The following DGKB variants were observed in gnomAD, a reference collection of about 807,000 sequenced individuals.
DGKB encodes 90 kDa diacylglycerol kinase.
Under a neutral mutation model 114.3 loss-of-function variants are expected in DGKB, and 67 were observed. That is an observed-to-expected ratio of 0.59 (90% confidence interval 0.48 to 0.72). The LOEUF (loss-of-function observed/expected upper bound fraction) is 0.72. Among genes scored for constraint, DGKB ranks in the 30% least tolerant of loss-of-function variants. DGKB has a pLI of 0.00. For missense variants in DGKB, 907 were observed against 975.2 expected (o/e 0.93, Z 0.93); for synonymous variants, 398 against 323.1 (o/e 1.23, Z -2.49).
chr7:14,648,001 C>A (rs183807744), intron 13 of DGKB, among the ~76,000 whole-genome samples: 4,738 of 152,228 alleles, frequency 0.031, 259 homozygotes, highest in African/African-American at 0.11. Context: ...CCTACGCCCA[C>A]GGAGTCTCGC....
Position 14,540,541 on chromosome 7 carries a change from G to A in DGKB, c.1770+33671C>T, listed in dbSNP as rs139809106. Among the ~76,000 whole-genome samples, 448 of 152,154 alleles carry A rather than the reference G, an allele frequency of 2.9e-3. 2 individuals are homozygous for A. The highest frequency in any genetic ancestry group is 0.01 in the African/African-American group (426 of 41,506). On this transcript the variant is annotated intron_variant, in intron 20 of 25. Transcript: ENST00000402815. ...TTCATAATTCCTATCATACTTTTCT[G>A]TTTTGACTGCTTGTGCAAAGTCATC...
At chr7:14,579,775 T>C (rs1331686804) in intron 19 of DGKB, among the ~76,000 whole-genome samples, 2 of 151,994 alleles carry the variant, frequency 1.3e-5, no homozygotes, top group African/African-American at 4.8e-5. Flanking sequence ...CAGAGTTACT[T>C]AGGGAGTTTG....
chr7:14,639,990 C>T (rs2128871539), intron 13 of DGKB, among the ~76,000 whole-genome samples: 1 of 152,258 alleles, frequency 6.6e-6, no homozygotes, highest in Non-Finnish European at 1.5e-5. Context: ...CCTGCACAAA[C>T]ATACTTATGG....
chr7:14,310,288 G>A (rs922987807), intron 23 of DGKB, among the ~76,000 whole-genome samples: 1 of 152,146 alleles, frequency 6.6e-6, no homozygotes, highest in Non-Finnish European at 1.5e-5. Context: ...CCAGCTGGTA[G>A]GAGATCACAT....
At chr7:14,450,500 G>A (rs1418955745) in intron 21 of DGKB, among the ~76,000 whole-genome samples, 2 of 152,130 alleles carry the variant, frequency 1.3e-5, no homozygotes, top group Admixed American at 6.6e-5. Context: ...GTGGCTGAGT[G>A]GAGGAGGTGG....
chr7:14,872,628 G>T (rs1406357928), intron 1 of DGKB, among the ~76,000 whole-genome samples: 1 of 151,998 alleles, frequency 6.6e-6, no homozygotes, highest in Non-Finnish European at 1.5e-5. Flanking sequence ...ACTGTTTAAA[G>T]AAACTAAGTT....
intron 9 of DGKB, among the ~76,000 whole-genome samples, chr7:14,688,793 T>C (rs1822175498): frequency 6.6e-6 from 1 of 151,722 alleles, no homozygotes; most frequent in Admixed American, 6.6e-5. Flanking sequence ...ATTATCCTAG[T>C]GATTCTAAAG....
At position 14,572,045 on chromosome 7, in the gene DGKB, TAAC is replaced by T. The variant is rs539914431; in HGVS notation, c.1770+2164_1770+2166del. On this transcript the variant is annotated intron_variant, in intron 20 of 25. Coordinates refer to ENST00000402815, the MANE Select transcript of DGKB (RefSeq NM_001350709.2). ...AAAGTGTGTCACACATTTAGGGAAA[TAAC>T]AAGCAAACAAACAAGGTCTCTGATG... 5.9e-5 allele frequency among the ~76,000 whole-genome samples: 9 copies of T among 152,130 alleles called. No individual in the cohort carries two copies. In the South Asian group the frequency reaches 1.5e-3, roughly 25 times the overall value.
Position 14,825,225 on chromosome 7 carries a change from G to A in DGKB, c.70+15969C>T, listed in dbSNP as rs147901350. Among the ~76,000 whole-genome samples, 820 of 151,616 alleles carry A rather than the reference G, an allele frequency of 5.4e-3. 10 individuals carry two copies. The highest frequency in any genetic ancestry group is 0.019 in the African/African-American group (782 of 41,366). On this transcript the variant is annotated intron_variant, in intron 2 of 25. Coordinates refer to ENST00000402815, the MANE Select transcript of DGKB (RefSeq NM_001350709.2). ...AGATCACTGGTCCCCAGACTTTTTGGCACCAGGGACCAGTGTCATGGAAGA... is the reference window on the plus strand; with the variant it reads ...AGATCACTGGTCCCCAGACTTTTTGACACCAGGGACCAGTGTCATGGAAGA...
intron 1 of DGKB, among the ~76,000 whole-genome samples, chr7:14,901,437 G>C (rs990647021): frequency 1.3e-5 from 2 of 152,134 alleles, no homozygotes; most frequent in East Asian, 1.9e-4. Context: ...ATATATGCTA[G>C]CCTATGGACG....
At chr7:14,442,360 T>C (rs2128814665) in intron 21 of DGKB, among the ~76,000 whole-genome samples, 1 of 152,178 alleles carries the variant, frequency 6.6e-6, no homozygotes, top group East Asian at 1.9e-4. Context: ...TTCTTGATAT[T>C]CTTAATATTG....
chr7:14,675,208 G>A (rs1819636708), intron 12 of DGKB, among the ~76,000 whole-genome samples: 1 of 152,070 alleles, frequency 6.6e-6, no homozygotes, highest in Non-Finnish European at 1.5e-5. Context: ...AGCTAAACAC[G>A]TGACTCTGAA....
intron 23 of DGKB, among the ~76,000 whole-genome samples, chr7:14,223,504 T>C (rs1161246633): frequency 6.6e-6 from 1 of 151,798 alleles, no homozygotes; most frequent in African/African-American, 2.4e-5. Context: ...ATTTTGTATC[T>C]TTTACTGAAG....
intron 21 of DGKB, among the ~76,000 whole-genome samples, chr7:14,407,424 G>A (rs1237560301): frequency 6.6e-6 from 1 of 151,912 alleles, no homozygotes; most frequent in African/African-American, 2.4e-5. Flanking sequence ...GTTGCTCCAC[G>A]GTGTGAGACT....
chr7:14,738,368 A>G (rs753378346), intron 4 of DGKB, among the ~76,000 whole-genome samples: 2 of 152,214 alleles, frequency 1.3e-5, no homozygotes, highest in Non-Finnish European at 2.9e-5. Context: ...TATTTTGTTT[A>G]GCAACATAAC....
At chr7:14,915,841 G>A (rs1382229321) in intron 1 of DGKB, among the ~76,000 whole-genome samples, 1 of 152,076 alleles carries the variant, frequency 6.6e-6, no homozygotes, top group Non-Finnish European at 1.5e-5. Flanking sequence ...GTTAAAACAA[G>A]TTCCTCAGAG....
chr7:14,488,665 G>C (rs1447520298), intron 20 of DGKB, among the ~76,000 whole-genome samples: 1 of 136,558 alleles, frequency 7.3e-6, no homozygotes, highest in Non-Finnish European at 1.6e-5. Context: ...AAAAAAAAAA[G>C]TATATATATA....
chr7:14,468,527 T>C (rs953517569), intron 21 of DGKB, among the ~76,000 whole-genome samples: 25 of 151,578 alleles, frequency 1.6e-4, no homozygotes, highest in African/African-American at 6.0e-4. Flanking sequence ...GTTTACTTAT[T>C]ATGGACTAAT....
rs909095271 is a variant in DGKB at position 14,189,997 on chromosome 7, C to CA, written c.2123-11847dup. Among the ~76,000 whole-genome samples, 283 of 152,108 alleles carry CA rather than the reference C, an allele frequency of 1.9e-3. 1 individual carries two copies. The highest frequency in any genetic ancestry group is 6.2e-3 in the African/African-American group (259 of 41,510). The stretch of plus-strand genomic sequence containing the variant: ...ACTTTCAACAAGGGTAAGCTAATGA[C>CA]AAAAAATCAACAAAGAAACATTGGA... On this transcript the variant is annotated intron_variant, in intron 23 of 25. Transcript: ENST00000402815.
Sources: allele counts gnomAD v4.1 joint callset (sites outside exome capture counted in the v4.1 genomes callset), GRCh38; gene constraint gnomAD v4.1.1; transcripts MANE v1.5; gene names NCBI Gene and HGNC (gene_info 2026-07-23, HGNC 2026-07-21).